The following PRSS23 variants were observed in gnomAD, a reference collection of about 807,000 sequenced individuals.
PRSS23 encodes the protein serine protease 23, also known as protease, serine 23.
Under a neutral mutation model 34.7 loss-of-function variants are expected in PRSS23, and 25 were observed. That is an observed-to-expected ratio of 0.72 (90% CI 0.53 to 1.01). PRSS23 has a LOEUF of 1.01. PRSS23 is among the 50% of genes least tolerant of loss of function. The pLI is 0.00. For synonymous variants in PRSS23, 176 were observed against 186.6 expected (o/e 0.94, Z 0.46); for missense variants, 445 against 475.6 (o/e 0.94, Z 0.60).
intron 2 of PRSS23, among the ~76,000 whole-genome samples, chr11:86,877,734 GT>G (rs1948734503): frequency 6.6e-6 from 1 of 151,764 alleles, no homozygotes; most frequent in Non-Finnish European, 1.5e-5. Context: ...TAACTGTACT[GT>G]TTTATTGCTT....
upstream of PRSS23, among the ~76,000 whole-genome samples, chr11:86,796,596 G>A (rs538219197): frequency 2.0e-4 from 27 of 135,062 alleles, no homozygotes; most frequent in Admixed American, 1.5e-3. Flanking sequence ...AGCCGAGATC[G>A]CGCCACTGCA....
At chr11:86,821,472 ACT>A (rs1490698517) in intron 1 of PRSS23, 58 of 1,608,624 alleles carry the variant, frequency 3.6e-5, no homozygotes, top group Non-Finnish European at 4.8e-5. Context: ...ATAGCAGGAC[ACT>A]CTTTCAGAGC....
intron 2 of PRSS23, among the ~76,000 whole-genome samples, chr11:86,887,386 AAC>A (rs1385604542): frequency 2.0e-5 from 3 of 146,804 alleles, no homozygotes; most frequent in South Asian, 4.5e-4. Context: ...GGGTCAAAAA[AAC>A]AGTCAGGAAA....
chr11:86,907,970 C>G (rs538062035), intron 2 of PRSS23, among the ~76,000 whole-genome samples: 1 of 152,194 alleles, frequency 6.6e-6, no homozygotes, highest in Non-Finnish European at 1.5e-5. Flanking sequence ...GTGGGAATCA[C>G]GCAGTAGTTG....
rs142658952 is a variant in PRSS23, at chr11:86,794,487, TTAGAG to T, written c.-14+3295_-14+3299del. Among the ~76,000 whole-genome samples, 413 of 152,334 alleles carry T rather than the reference TTAGAG, an allele frequency of 2.7e-3. 2 individuals carry two copies. Among genetic ancestry groups the T allele is most frequent in the African/African-American group, 8.9e-3 (369 of 41,580 alleles). ...TTAGATTGGCATATTCTAAGTAGGA[TTAGAG>T]TAAAGCTTTTACTTGCTGTGCAGCT... On this transcript the variant is annotated intron_variant, in intron 1 of 1. Coordinates refer to the PRSS23 transcript ENST00000527521.
At chr11:86,882,016 G>A (rs1256765665) in intron 2 of PRSS23, among the ~76,000 whole-genome samples, 1 of 152,060 alleles carries the variant, frequency 6.6e-6, no homozygotes, top group East Asian at 1.9e-4. Flanking sequence ...CCACTTAAAT[G>A]TTTGTCAATT....
intron 2 of PRSS23, among the ~76,000 whole-genome samples, chr11:86,879,779 T>A (rs1445497821): frequency 1.2e-5 from 1 of 86,758 alleles, no homozygotes. Context: ...GGTGGGGGGG[T>A]CAGCCCCCTG....
intron 2 of PRSS23, among the ~76,000 whole-genome samples, chr11:86,828,682 C>A (rs1355006164): frequency 6.6e-6 from 1 of 152,114 alleles, no homozygotes; most frequent in Admixed American, 6.6e-5. Flanking sequence ...TCTTTTAGGG[C>A]AGGCTTGGTG....
At chr11:86,888,116 T>A (rs564773020) in intron 2 of PRSS23, among the ~76,000 whole-genome samples, 1,710 of 100,222 alleles carry the variant, frequency 0.017, 26 homozygotes, top group African/African-American at 0.054. Context: ...TTGGTTTTTT[T>A]TAAAAAAAAA....
At chr11:86,873,189 C>CGT (rs1555077230) in intron 2 of PRSS23, among the ~76,000 whole-genome samples, 2,258 of 140,916 alleles carry the variant, frequency 0.016, 31 homozygotes, top group Middle Eastern at 0.025. Context: ...TATATATATA[C>CGT]ATATATATAC....
At chr11:86,902,476 G>A (rs992397437) in intron 2 of PRSS23, among the ~76,000 whole-genome samples, 1 of 152,160 alleles carries the variant, frequency 6.6e-6, no homozygotes, top group Non-Finnish European at 1.5e-5. Context: ...AGGTGTACCT[G>A]GCTTTCTGTC....
intron 1 of PRSS23, among the ~76,000 whole-genome samples, chr11:86,793,805 A>G (rs1947965623): frequency 6.6e-6 from 1 of 152,232 alleles, no homozygotes; most frequent in Admixed American, 6.5e-5. Flanking sequence ...CTATAGCAGA[A>G]AACTATAAAG....
At chr11:86,879,566 CCGGCCAGCCGCCCCG>C in intron 2 of PRSS23, among the ~76,000 whole-genome samples, 1 of 144,106 alleles carries the variant, frequency 6.9e-6, no homozygotes. Flanking sequence ...AGCCCCCCGC[CCGGCCAGCCGCCCCG>C]TCAGGGAGGT....
At chr11:86,876,931 G>C (rs938399674) in intron 2 of PRSS23, among the ~76,000 whole-genome samples, 2 of 152,170 alleles carry the variant, frequency 1.3e-5, no homozygotes, top group African/African-American at 4.8e-5. Flanking sequence ...CACCACTAAT[G>C]TCAACTGAGT....
chr11:86,933,342 G>A (rs753594501), intron 2 of PRSS23: 7 of 152,080 alleles, frequency 4.6e-5, no homozygotes, highest in Non-Finnish European at 7.3e-5. Context: ...ATAATTATAA[G>A]CCAGCGTGAT....
rs1221576102 is a variant in PRSS23 at position 86,808,243 on chromosome 11, A to G, written c.600A>G (p.Lys200=). ...LRVGFLKPKF[K]DGGRGANDST... is the part of the protein sequence containing the mutation. ...TGGGCTTCCTAAAGCCCAAGTTTAAAGATGGTGGTCGAGGGGCCAACGACT... is the reference window on the plus strand; with the variant it reads ...TGGGCTTCCTAAAGCCCAAGTTTAAGGATGGTGGTCGAGGGGCCAACGACT... The change falls in exon 2 of 2, where the codon AAA becomes AAG. Residue 200 remains lysine, a synonymous_variant. Transcript: ENST00000280258. 2 of 1,614,036 alleles carry G rather than the reference A, an allele frequency of 1.2e-6. No individual in the cohort carries two copies. Among genetic ancestry groups the G allele is most frequent in the Non-Finnish European group, 1.7e-6 (2 of 1,180,044 alleles).
At chr11:86,855,755 C>A (rs1228407810) in intron 2 of PRSS23, among the ~76,000 whole-genome samples, 1 of 152,226 alleles carries the variant, frequency 6.6e-6, no homozygotes, top group East Asian at 1.9e-4. Flanking sequence ...TCTGATCTGG[C>A]CTCCCAAAGT....
intron 2 of PRSS23, among the ~76,000 whole-genome samples, chr11:86,878,961 C>T (rs1209378064): frequency 0.01 from 1,256 of 120,566 alleles, no homozygotes; most frequent in Non-Finnish European, 0.016. Context: ...CGGCCGCCAT[C>T]CCGTCTAGGA....
At chr11:86,831,107 C>G (rs1051691039) in intron 2 of PRSS23, among the ~76,000 whole-genome samples, 2 of 151,942 alleles carry the variant, frequency 1.3e-5, no homozygotes, top group Non-Finnish European at 2.9e-5. Context: ...GATGTTATTC[C>G]TAATGTCACA....
Sources: allele counts gnomAD v4.1 joint callset (sites outside exome capture counted in the v4.1 genomes callset), GRCh38; gene constraint gnomAD v4.1.1; transcripts MANE v1.5; gene names NCBI Gene and HGNC (gene_info 2026-07-23, HGNC 2026-07-21).